Variants in YKT6 observed in about 807,000 individuals in gnomAD.
YKT6 encodes the protein YKT6 vesicular SNARE protein.
Under a neutral mutation model 29.3 loss-of-function variants are expected in YKT6, and 12 were observed. That is an observed-to-expected ratio of 0.41 (90% CI 0.26 to 0.66). The LOEUF is 0.66. Among genes scored for constraint, YKT6 ranks in the 30% least tolerant of loss-of-function variants. The pLI is 0.32. For missense variants in YKT6, 188 were observed against 243.8 expected, an observed-to-expected ratio of 0.77 and a Z score of 1.52; for synonymous variants, 86 against 94.3, an observed-to-expected ratio of 0.91 and a Z score of 0.51.
At position 44,212,943 on chromosome 7, in the gene YKT6, C is replaced by CA. The variant is rs2096348473; in HGVS notation, c.*664dup. 6.6e-6 allele frequency: 1 copy of CA among 152,228 alleles called. No individual in the cohort carries two copies. Among genetic ancestry groups the CA allele is most frequent in the Non-Finnish European group, 1.5e-5 (1 of 68,050 alleles). 9.4% of individuals were successfully genotyped at this position (152,228 alleles called of 1,614,324 possible). On this transcript the variant is annotated 3_prime_UTR_variant, in exon 7 of 7. Coordinates refer to ENST00000223369, the MANE Select transcript of YKT6 (RefSeq NM_006555.4). ...CATCCTAAGCAGCTTCCAAGTCCCA[C>CA]AAAGGTGGCTTGTGGGAGGATTTGG...
chr7:44,208,163 G>A lies in YKT6; in HGVS notation c.424G>A (p.Val142Met). Reference sequence around the variant, plus strand: ...ACGAGAAGCTGATCCCATGACTAAAGTGCAGGCCGAACTAGATGAGACCAA... The same window carrying A: ...ACGAGAAGCTGATCCCATGACTAAAATGCAGGCCGAACTAGATGAGACCAA... Reference protein sequence around the residue: ...NPREADPMTKVQAELDETKII... With the variant: ...NPREADPMTKMQAELDETKII... The change falls in exon 5 of 7, where the codon GTG (valine) becomes ATG (methionine). Residue 142 changes from valine (V) to methionine (M), a missense_variant. Physicochemically the swap from Val to Met is conservative, Grantham distance 21 (BLOSUM62 1). This residue lies in a region of YKT6 where 100 missense variants were observed against 136.3 expected (regional missense o/e 0.73). Transcript: ENST00000223369. 1.2e-6 allele frequency: 2 copies of A among 1,614,120 alleles called. No homozygotes were observed. Among genetic ancestry groups the A allele is most frequent in the African/African-American group, 1.3e-5 (1 of 75,040 alleles).
intron 5 of YKT6, chr7:44,210,722 G>GTGTA: frequency 2.3e-6 from 1 of 440,106 alleles, no homozygotes; most frequent in South Asian, 1.8e-5. Context: ...AAATGTGTGT[G>GTGTA]TATATATATA....
Position 44,214,150 on chromosome 7 carries a change from A to C in YKT6, c.*1868A>C, listed in dbSNP as rs1334196141. On this transcript the variant is annotated 3_prime_UTR_variant, in exon 7 of 7. Coordinates refer to ENST00000223369, the MANE Select transcript of YKT6 (RefSeq NM_006555.4). ...TCAGGCCCTGTGAGATAGAGGGCCC[A>C]GCCCAGCCCCACCCACAGATCCCCT... The C allele has an allele frequency of 6.6e-6, 1 of 152,230 alleles. No individual in the cohort carries two copies. The highest frequency in any genetic ancestry group is 1.5e-5 in the Non-Finnish European group (1 of 68,036). The allele number at this position is 152,230 out of a possible 1,614,324, so 9.4% of individuals were successfully genotyped here.
intron 1 of YKT6, among the ~76,000 whole-genome samples, chr7:44,202,848 T>C (rs1328356147): frequency 1.3e-5 from 2 of 152,234 alleles, no homozygotes; most frequent in African/African-American, 4.8e-5. Context: ...GTCTTTACCA[T>C]GGCCTACATT....
rs1244594955 is a variant in YKT6 at position 44,213,774 on chromosome 7, G to C, written c.*1492G>C. On this transcript the variant is annotated 3_prime_UTR_variant, in exon 7 of 7. Transcript: ENST00000223369. ...GGGCAGGAGGGTGGGGTCTGCTGTGGGTTCAGAGGACTCCACCTCCTGGCT... is the reference window on the plus strand; with the variant it reads ...GGGCAGGAGGGTGGGGTCTGCTGTGCGTTCAGAGGACTCCACCTCCTGGCT... 2 of 152,302 alleles carry C rather than the reference G, an allele frequency of 1.3e-5. No homozygotes were observed. Among genetic ancestry groups the C allele is most frequent in the Non-Finnish European group, 2.9e-5 (2 of 68,120 alleles). 9.4% of individuals were successfully genotyped at this position (152,302 alleles called of 1,614,324 possible). A position where few individuals can be genotyped will look rare whatever the true frequency, so the allele number is the denominator to read the frequency against.
At position 44,204,599 on chromosome 7, in the gene YKT6, C is replaced by T. The variant is rs373968361; in HGVS notation, c.136C>T (p.Leu46=). The part of the protein sequence containing the change: ...VQEFMTFTSQ[L]IVERSSKGTR... ...GGAATTCATGACCTTCACGAGTCAA[C>T]TGATTGTGGAGCGCTCATCGAAAGG... The change falls in exon 2 of 7, where the codon CTG becomes TTG. Residue 46 remains leucine (L), a synonymous_variant. Coordinates refer to ENST00000223369, the MANE Select transcript of YKT6 (RefSeq NM_006555.4). 5 of 1,614,222 alleles carry T rather than the reference C, an allele frequency of 3.1e-6. No individual in the cohort carries two copies. In the African/African-American group the frequency reaches 4.0e-5, roughly 13 times the overall value.
chr7:44,210,492 T>C (rs1034337820), intron 5 of YKT6, among the ~76,000 whole-genome samples: 2 of 152,300 alleles, frequency 1.3e-5, no homozygotes, highest in South Asian at 4.1e-4. Flanking sequence ...TATTACCTCT[T>C]CCTAACTAGT....
chr7:44,203,336 C>G (rs527496713), intron 1 of YKT6, among the ~76,000 whole-genome samples: 108 of 152,258 alleles, frequency 7.1e-4, no homozygotes, highest in African/African-American at 2.3e-3. Context: ...TCAAGTGATC[C>G]GCCTGCCTTG....
At chr7:44,211,195 A>C in intron 6 of YKT6, 71 bp downstream of exon 6, 1 of 1,312,738 alleles carries the variant, frequency 7.6e-7, no homozygotes, top group Non-Finnish European at 1.1e-6. Context: ...TGCTTCTGGC[A>C]CTCTCCACTA....
chr7:44,209,524 G>A (rs776172377), intron 5 of YKT6, among the ~76,000 whole-genome samples: 7 of 152,156 alleles, frequency 4.6e-5, no homozygotes, highest in Non-Finnish European at 8.8e-5. Flanking sequence ...CTCTCCCCAC[G>A]GTGGGGAGTG....
chr7:44,201,162 C>G lies in YKT6; in HGVS notation c.27C>G (p.Leu9=), dbSNP rs1397223447. The G allele has an allele frequency of 4.3e-6, 7 of 1,611,360 alleles. No individual in the cohort carries two copies. Among genetic ancestry groups the G allele is most frequent in the Non-Finnish European group, 5.9e-6 (7 of 1,178,694 alleles). The part of the protein sequence containing the change: MKLYSLSV[L]YKGEAKVVLL... ...TGAAGCTGTACAGCCTCAGCGTCCT[C>G]TACAAAGGCGAGGCCAAGGTGGTGC... Residue 9 remains leucine (L), a synonymous_variant, in exon 1 of 7, where the codon CTC becomes CTG. Transcript: ENST00000223369.
At position 44,201,891 on chromosome 7, in the gene YKT6, T is replaced by A. The variant is rs1258622470; in HGVS notation, c.104+652T>A. Among the ~76,000 whole-genome samples the A allele has an allele frequency of 7.2e-5, 11 of 152,250 alleles. No individual in the cohort carries two copies. The East Asian group carries it at 2.1e-3, about 29-fold the overall frequency. On this transcript the variant is annotated intron_variant, in intron 1 of 6. Coordinates refer to ENST00000223369, the MANE Select transcript of YKT6 (RefSeq NM_006555.4). ...TAGAACTGAAAGCCAGGTTTAACGC[T>A]TTTTAGTTGGACACTAGTGGTACAA...
intron 6 of YKT6, 30 bp from the exon 7 acceptor site, chr7:44,212,217 C>T: frequency 1.2e-6 from 2 of 1,614,034 alleles, no homozygotes; most frequent in Middle Eastern, 1.6e-4. Flanking sequence ...GTCAGTCCTC[C>T]TTCTCAGCTC....
chr7:44,202,533 G>C (rs151297110), intron 1 of YKT6, among the ~76,000 whole-genome samples: 66 of 152,270 alleles, frequency 4.3e-4, no homozygotes, highest in African/African-American at 1.5e-3. Context: ...TAGTTTTTGT[G>C]TGTCTGGCTT....
chr7:44,202,787 G>A (rs1011766944), intron 1 of YKT6, among the ~76,000 whole-genome samples: 1 of 152,152 alleles, frequency 6.6e-6, no homozygotes, highest in Non-Finnish European at 1.5e-5. Context: ...ACCCAGAAGC[G>A]GAATTGCTGC....
At chr7:44,202,358 TGATA>T (rs1436953756) in intron 1 of YKT6, among the ~76,000 whole-genome samples, 1 of 152,216 alleles carries the variant, frequency 6.6e-6, no homozygotes, top group Non-Finnish European at 1.5e-5. Flanking sequence ...TGAAATAGAT[TGATA>T]GTGTTGTGCA....
Position 44,201,175 on chromosome 7 carries a change from G to A in YKT6, c.40G>A (p.Ala14Thr). The A allele has an allele frequency of 4.3e-6, 7 of 1,612,636 alleles. No homozygotes were observed. Among genetic ancestry groups the A allele is most frequent in the Non-Finnish European group, 5.1e-6 (6 of 1,179,306 alleles). ...CCTCAGCGTCCTCTACAAAGGCGAG[G>A]CCAAGGTGGTGCTGCTCAAAGCCGC... Reference protein sequence around the residue: ...YSLSVLYKGEAKVVLLKAAYD... With the variant: ...YSLSVLYKGETKVVLLKAAYD... The change falls in exon 1 of 7, where the codon GCC becomes ACC. Residue 14 changes from alanine (A) to threonine (T), a missense_variant. Transcript: ENST00000223369.
At chr7:44,201,330 G>A (rs2096335358) in intron 1 of YKT6, 91 bp downstream of exon 1, 1 of 514,944 alleles carries the variant, frequency 1.9e-6, no homozygotes, top group Non-Finnish European at 3.3e-6. Context: ...TCGGCGGAGG[G>A]ATGAGGGGAG....
intron 1 of YKT6, among the ~76,000 whole-genome samples, chr7:44,201,695 C>T (rs939700501): frequency 6.6e-6 from 1 of 152,216 alleles, no homozygotes; most frequent in Non-Finnish European, 1.5e-5. Flanking sequence ...CAACACTTCC[C>T]ACCCAGTGAT....
Sources: gnomAD v4.1 joint callset for allele counts (sites outside exome capture counted in the v4.1 genomes callset) on GRCh38, gnomAD v4.1.1 for gene constraint, gnomAD v4.1.1 regional missense constraint, MANE v1.5 for transcripts, NCBI Gene and HGNC (gene_info 2026-07-23, HGNC 2026-07-21) for gene names.